Variants in DPYD observed in about 807,000 individuals in gnomAD.
The protein encoded by DPYD is dihydropyrimidine dehydrogenase.
DPYD carries 109 observed loss-of-function variants against 116.2 expected under a neutral mutation model. The ratio of observed to expected loss-of-function variants is 0.94; its 90% confidence interval spans 0.80 to 1.10. The LOEUF (loss-of-function observed/expected upper bound fraction) is 1.10. Ranked by LOEUF, DPYD falls within the 50% of genes least tolerant of loss-of-function variation. DPYD has a pLI of 0.00. For missense variants in DPYD, 1,302 were observed against 1,254.5 expected, an observed-to-expected ratio of 1.04 and a Z score of -0.57; for synonymous variants, 440 against 432.0, an observed-to-expected ratio of 1.02 and a Z score of -0.23.
Position 97,110,546 on chromosome 1 carries a change from C to T in DPYD, c.2623-11914G>A, listed in dbSNP as rs538555260. Among the ~76,000 whole-genome samples, 32 of 152,228 alleles carry T rather than the reference C, an allele frequency of 2.1e-4. 1 individual carries two copies. The Middle Eastern group carries it at 0.014, about 65-fold the overall frequency. On this transcript the variant is annotated intron_variant, in intron 20 of 22. Transcript: ENST00000370192. ...TCATTAGCACACAGATATACTTTAG[C>T]GTCTGTCATCCTAAAAACAAATATG...
At chr1:97,483,652 A>C (rs1389662496) in intron 13 of DPYD, among the ~76,000 whole-genome samples, 2 of 152,290 alleles carry the variant, frequency 1.3e-5, no homozygotes, top group East Asian at 3.9e-4. Context: ...GGACCTAAAA[A>C]AAAATTTAAA....
intron 21 of DPYD, among the ~76,000 whole-genome samples, chr1:97,086,879 C>T (rs1649559026): frequency 6.6e-6 from 1 of 152,208 alleles, no homozygotes; most frequent in Admixed American, 6.5e-5. Context: ...GTCACTATGA[C>T]TTCTAACCCA....
At chr1:97,842,588 T>C (rs1235712037) in intron 2 of DPYD, among the ~76,000 whole-genome samples, 1 of 152,078 alleles carries the variant, frequency 6.6e-6, no homozygotes, top group African/African-American at 2.4e-5. Flanking sequence ...TAATACCTTT[T>C]ACTCTTCTAC....
chr1:97,530,978 C>G (rs532372845), intron 12 of DPYD, among the ~76,000 whole-genome samples: 1 of 151,956 alleles, frequency 6.6e-6, no homozygotes, highest in East Asian at 1.9e-4. Context: ...AAATATTTTG[C>G]TATTGAATTT....
chr1:97,844,703 C>T (rs565187041), intron 2 of DPYD, among the ~76,000 whole-genome samples: 5 of 152,280 alleles, frequency 3.3e-5, no homozygotes, highest in African/African-American at 1.2e-4. Context: ...GGGAGCCCCA[C>T]ACACTTCTGA....
Position 97,498,490 on chromosome 1 carries a change from CTGTGTGTG to C in DPYD, c.1740+17228_1740+17235del, listed in dbSNP as rs10591961. 6.5e-3 allele frequency among the ~76,000 whole-genome samples: 963 copies of C among 148,596 alleles called. 19 individuals are homozygous for C. Among genetic ancestry groups the C allele is most frequent in the African/African-American group, 0.022 (904 of 40,688 alleles). ...GTACTTTGCCTCTCTCTCTCTTTCTCTGTGTGTGTGTGTGTGTGTGTGTGTGTACTTAT... is the reference window on the plus strand; with the variant it reads ...GTACTTTGCCTCTCTCTCTCTTTCTCTGTGTGTGTGTGTGTGTGTACTTAT... On this transcript the variant is annotated intron_variant, in intron 13 of 22. Coordinates refer to ENST00000370192, the MANE Select transcript of DPYD (RefSeq NM_000110.4).
chr1:97,348,346 G>A (rs1022026913), intron 16 of DPYD, among the ~76,000 whole-genome samples: 2 of 152,070 alleles, frequency 1.3e-5, no homozygotes, highest in Non-Finnish European at 2.9e-5. Flanking sequence ...AAAAACATAA[G>A]CTCTTTGGGA....
intron 20 of DPYD, among the ~76,000 whole-genome samples, chr1:97,191,794 T>C (rs973695204): frequency 6.6e-6 from 1 of 152,164 alleles, no homozygotes; most frequent in Non-Finnish European, 1.5e-5. Context: ...GATTGTAAAG[T>C]CATTTGTGAA....
rs1801265 is a variant in DPYD at position 97,883,329 on chromosome 1, A to G, written c.85T>C (p.Cys29Arg). The G allele has an allele frequency of 0.23, 364,834 of 1,612,580 alleles. 44,075 individuals carry two copies. The highest frequency in any genetic ancestry group is 0.41 in the African/African-American group (30,540 of 74,886). The change falls in exon 2 of 23, where the codon TGT becomes CGT. Residue 29 changes from cysteine to arginine, a missense_variant. Cys to Arg is a radical substitution (Grantham distance 180, BLOSUM62 -3). Transcript: ENST00000370192. ...NPRTQTHATL[C>R]STSAKKLDKK... ...TCTAATTTCTTGGCCGAAGTGGAAC[A>G]CAGAGTTGCATGAGTTTGTGTTCGA...
intron 19 of DPYD, among the ~76,000 whole-genome samples, chr1:97,213,705 A>G (rs988878146): frequency 3.9e-5 from 6 of 152,180 alleles, no homozygotes; most frequent in Non-Finnish European, 8.8e-5. Context: ...AAACTGCTGT[A>G]GGTAAGCTGT....
At chr1:97,840,851 T>G (rs1476356634) in intron 2 of DPYD, among the ~76,000 whole-genome samples, 1 of 152,128 alleles carries the variant, frequency 6.6e-6, no homozygotes, top group South Asian at 2.1e-4. Flanking sequence ...TTGAATTATA[T>G]ACATACGAAG....
chr1:97,390,328 C>A (rs2101598851), intron 14 of DPYD, among the ~76,000 whole-genome samples: 1 of 152,136 alleles, frequency 6.6e-6, no homozygotes, highest in African/African-American at 2.4e-5. Context: ...TCAACAAAAT[C>A]ATTCCTAAGA....
intron 4 of DPYD, among the ~76,000 whole-genome samples, chr1:97,736,239 G>A (rs960661807): frequency 2.0e-4 from 30 of 151,952 alleles, no homozygotes; most frequent in African/African-American, 7.0e-4. Flanking sequence ...TTTTTCAATA[G>A]TAGCATTGTA....
intron 11 of DPYD, among the ~76,000 whole-genome samples, chr1:97,562,032 G>A (rs1321650416): frequency 3.3e-5 from 5 of 152,190 alleles, no homozygotes; most frequent in Admixed American, 2.6e-4. Flanking sequence ...AGCTCCTGCA[G>A]ATGGGGACAA....
chr1:97,335,680 T>C (rs767395766), intron 16 of DPYD, among the ~76,000 whole-genome samples: 4 of 152,180 alleles, frequency 2.6e-5, no homozygotes, highest in Non-Finnish European at 1.5e-5. Flanking sequence ...GCCCTCTGCA[T>C]TACCTTTTCC....
chr1:97,344,729 C>A (rs577800699), intron 16 of DPYD, among the ~76,000 whole-genome samples: 1 of 151,886 alleles, frequency 6.6e-6, no homozygotes, highest in Non-Finnish European at 1.5e-5. Flanking sequence ...CCATAAGTTA[C>A]TCAACGTTCT....
Position 97,328,202 on chromosome 1 carries a change from T to G in DPYD, c.2059-21905A>C, listed in dbSNP as rs549323395. Reference sequence around the variant, plus strand: ...CATGCATAATTCGATTTGTCCACAATGTATAATCTGAGCCTATGTTATTCA... The same window carrying G: ...CATGCATAATTCGATTTGTCCACAAGGTATAATCTGAGCCTATGTTATTCA... On this transcript the variant is annotated intron_variant, in intron 16 of 22. Coordinates refer to ENST00000370192, the MANE Select transcript of DPYD (RefSeq NM_000110.4). 3.3e-5 allele frequency among the ~76,000 whole-genome samples: 5 copies of G among 152,286 alleles called. No individual in the cohort carries two copies. In the South Asian group the frequency reaches 6.2e-4, roughly 19 times the overall value.
intron 8 of DPYD, among the ~76,000 whole-genome samples, chr1:97,671,339 G>A (rs1259996955): frequency 2.0e-5 from 3 of 151,918 alleles, no homozygotes; most frequent in African/African-American, 4.8e-5. Context: ...ATACCCTAGC[G>A]AGTACTACCA....
chr1:97,158,164 G>A (rs1557900070), intron 20 of DPYD, among the ~76,000 whole-genome samples: 1 of 152,018 alleles, frequency 6.6e-6, no homozygotes, highest in Admixed American at 6.6e-5. Context: ...AAAGTGAGCA[G>A]TACCAAGTCC....
Sources: gnomAD v4.1 joint callset for allele counts (sites outside exome capture counted in the v4.1 genomes callset) on GRCh38, gnomAD v4.1.1 for gene constraint, MANE v1.5 for transcripts, NCBI Gene and HGNC (gene_info 2026-07-23, HGNC 2026-07-21) for gene names.